ARID2: variants seen among roughly 807,000 people sequenced by gnomAD.
ARID2 encodes AT-rich interaction domain 2.
ARID2 carries 32 observed loss-of-function variants against 184.6 expected under a neutral mutation model. That is an observed-to-expected ratio of 0.17 (90% CI 0.13 to 0.23). The LOEUF (loss-of-function observed/expected upper bound fraction) is 0.23, where lower values mean the gene tolerates loss of function less well. Among genes scored for constraint, ARID2 ranks in the 10% least tolerant of loss-of-function variants. ARID2 has a pLI of 1.00. For synonymous variants in ARID2, 836 were observed against 772.6 expected (o/e 1.08, Z -1.36); for missense variants, 1,696 against 2,197.6 (o/e 0.77, Z 4.56).
chr12:45,904,362 AAAG>A lies in ARID2; in HGVS notation c.5364-569_5364-567del, dbSNP rs768106064. 1.2e-4 allele frequency: 85 copies of A among 716,528 alleles called. No homozygotes were observed. The African/African-American group carries it at 1.2e-3, about 10-fold the overall frequency. The allele number at this position is 716,528 out of a possible 1,614,324, so 44.4% of individuals were successfully genotyped here. A position where few individuals can be genotyped will look rare whatever the true frequency, so the allele number is the denominator to read the frequency against. On this transcript the variant is annotated intron_variant, in intron 20 of 20. Coordinates refer to ENST00000334344, the MANE Select transcript of ARID2 (RefSeq NM_152641.4). ...TCTAGAAACATGAATGAAGATTGAA[AAAG>A]AATTTTGCTGTGCAGCCTTCCATAT...
chr12:45,748,753 A>G (rs985401912), intron 3 of ARID2, among the ~76,000 whole-genome samples: 6 of 152,148 alleles, frequency 3.9e-5, no homozygotes, highest in African/African-American at 9.7e-5. Context: ...CATTTCAGCA[A>G]TGTTCACAGC....
At chr12:45,792,794 T>C (rs1565597819) in intron 3 of ARID2, among the ~76,000 whole-genome samples, 1 of 152,192 alleles carries the variant, frequency 6.6e-6, no homozygotes, top group East Asian at 1.9e-4. Context: ...TAAAATTTGC[T>C]TTATCTTTAA....
intron 3 of ARID2, among the ~76,000 whole-genome samples, chr12:45,807,792 C>T (rs967596858): frequency 6.6e-6 from 1 of 152,024 alleles, no homozygotes; most frequent in African/African-American, 2.4e-5. Context: ...ATTATGTGTC[C>T]AATACCATCT....
chr12:45,768,869 A>T (rs1012368719), intron 3 of ARID2, among the ~76,000 whole-genome samples: 2 of 152,222 alleles, frequency 1.3e-5, no homozygotes, highest in Non-Finnish European at 2.9e-5. Context: ...GCAATTGGTG[A>T]TGCCTAACAA....
At chr12:45,893,578 C>CTT in intron 19 of ARID2, 35 bp downstream of exon 19, 1 of 1,610,150 alleles carries the variant, frequency 6.2e-7, no homozygotes, top group Non-Finnish European at 8.5e-7. Context: ...CTGTAAAAGT[C>CTT]TGAGTCCTGT....
intron 4 of ARID2, among the ~76,000 whole-genome samples, chr12:45,812,850 GC>G (rs1336548962): frequency 6.6e-6 from 1 of 152,160 alleles, no homozygotes; most frequent in Non-Finnish European, 1.5e-5. Context: ...TAATAGCAGA[GC>G]TATTAATCCT....
At chr12:45,800,975 A>T (rs149300872) in intron 3 of ARID2, among the ~76,000 whole-genome samples, 17 of 152,252 alleles carry the variant, frequency 1.1e-4, no homozygotes, top group African/African-American at 3.4e-4. Context: ...ACGAGAGAGG[A>T]TGGAAAGTAC....
chr12:45,740,603 A>G (rs1030069565), intron 3 of ARID2, among the ~76,000 whole-genome samples: 6 of 152,172 alleles, frequency 3.9e-5, no homozygotes, highest in African/African-American at 7.2e-5. Flanking sequence ...TAATGTAACA[A>G]TGGACAGTTA....
At chr12:45,730,016 C>G in intron 1 of ARID2, 28 bp from the exon 2 acceptor site, 2 of 1,611,464 alleles carry the variant, frequency 1.2e-6, no homozygotes, top group Non-Finnish European at 1.7e-6. Context: ...TCCCGGCTGA[C>G]AAGTGCGGGG....
chr12:45,868,368 G>C (rs986535388), intron 16 of ARID2, among the ~76,000 whole-genome samples: 2 of 152,300 alleles, frequency 1.3e-5, no homozygotes, highest in South Asian at 4.1e-4. Flanking sequence ...TTGAACCCAG[G>C]AGGCAGAGGT....
intron 6 of ARID2, among the ~76,000 whole-genome samples, chr12:45,832,504 T>C (rs1333489106): frequency 1.3e-5 from 2 of 152,140 alleles, no homozygotes; most frequent in Non-Finnish European, 2.9e-5. Flanking sequence ...AGAGACAGGG[T>C]CTTGCTTCGC....
intron 3 of ARID2, among the ~76,000 whole-genome samples, chr12:45,785,500 A>G (rs1377286745): frequency 1.3e-5 from 2 of 152,156 alleles, no homozygotes; most frequent in East Asian, 3.9e-4. Context: ...AAGAGCAATG[A>G]ACTATGATTT....
chr12:45,858,359 T>TA (rs1186343320), intron 15 of ARID2, among the ~76,000 whole-genome samples: 1 of 151,740 alleles, frequency 6.6e-6, no homozygotes, highest in Non-Finnish European at 1.5e-5. Context: ...AAACCCTATC[T>TA]AAAAAAAAGA....
chr12:45,799,475 T>C (rs1018823601), intron 3 of ARID2, among the ~76,000 whole-genome samples: 8 of 152,344 alleles, frequency 5.3e-5, no homozygotes, highest in African/African-American at 1.9e-4. Flanking sequence ...GAAATTTATT[T>C]ATTTTCATCT....
intron 16 of ARID2, among the ~76,000 whole-genome samples, chr12:45,864,306 CCAT>C (rs1943799871): frequency 6.6e-6 from 1 of 152,076 alleles, no homozygotes; most frequent in Non-Finnish European, 1.5e-5. Flanking sequence ...ACCACCACCA[CCAT>C]ACTCCTACAG....
At chr12:45,812,880 T>A (rs1036439093) in intron 4 of ARID2, among the ~76,000 whole-genome samples, 1 of 152,222 alleles carries the variant, frequency 6.6e-6, no homozygotes, top group African/African-American at 2.4e-5. Context: ...AAACAGACTT[T>A]GGTGTCCGCT....
chr12:45,839,658 C>G, intron 11 of ARID2, 162 bp downstream of exon 11: 1 of 694,056 alleles, frequency 1.4e-6, no homozygotes, highest in Non-Finnish European at 2.2e-6. Flanking sequence ...ATTATACATT[C>G]CAGGAGTAGC....
intron 2 of ARID2, among the ~76,000 whole-genome samples, chr12:45,730,884 T>G (rs1940979379): frequency 6.7e-6 from 1 of 149,572 alleles, no homozygotes; most frequent in Non-Finnish European, 1.5e-5. Flanking sequence ...TTTTTTTTTT[T>G]TTTTTTTTTT....
chr12:45,883,370 T>C (rs889561847), intron 16 of ARID2, among the ~76,000 whole-genome samples: 6 of 151,546 alleles, frequency 4.0e-5, no homozygotes, highest in Middle Eastern at 3.4e-3. Flanking sequence ...TGCCAAATCA[T>C]GTTGAAGACA....
Sources: gnomAD v4.1 joint callset for allele counts (sites outside exome capture counted in the v4.1 genomes callset) on GRCh38, gnomAD v4.1.1 for gene constraint, MANE v1.5 for transcripts, NCBI Gene and HGNC (gene_info 2026-07-23, HGNC 2026-07-21) for gene names.